IL1RAPL1: variants seen among roughly 807,000 people sequenced by gnomAD.
The protein encoded by IL1RAPL1 is interleukin-1 receptor accessory protein-like 1.
IL1RAPL1 carries 3 observed loss-of-function variants against 48.4 expected under a neutral mutation model. That is an observed-to-expected ratio of 0.06 (90% CI 0.03 to 0.16). The LOEUF (loss-of-function observed/expected upper bound fraction) is 0.16, where lower values mean the gene tolerates loss of function less well. Among genes scored for constraint, IL1RAPL1 ranks in the 10% least tolerant of loss-of-function variants. IL1RAPL1 has a pLI of 1.00. For synonymous variants in IL1RAPL1, 185 were observed against 187.7 expected, an observed-to-expected ratio of 0.99 and a Z score of 0.12; for missense variants, 349 against 530.6, an observed-to-expected ratio of 0.66 and a Z score of 3.36.
chrX:28,600,096 G>A (rs1934005289), intron 1 of IL1RAPL1, among the ~76,000 whole-genome samples: 1 of 111,831 alleles, frequency 8.9e-6, no homozygotes, highest in African/African-American at 3.3e-5. Context: ...GCCATTAAGA[G>A]GGGAATGAAA....
At chrX:29,403,338 T>C (rs188696737) in intron 5 of IL1RAPL1, among the ~76,000 whole-genome samples, 39 of 110,299 alleles carry the variant, frequency 3.5e-4, no homozygotes, top group Admixed American at 1.2e-3. Flanking sequence ...GACATACTTA[T>C]ATTGGGGTGT....
At chrX:28,850,804 C>A (rs1196258555) in intron 2 of IL1RAPL1, among the ~76,000 whole-genome samples, 1 of 105,491 alleles carries the variant, frequency 9.5e-6, no homozygotes, top group African/African-American at 3.5e-5. Context: ...AAAACCTGAT[C>A]TGTAGTCCTA....
intron 2 of IL1RAPL1, among the ~76,000 whole-genome samples, chrX:28,863,181 C>T (rs1921989985): frequency 9.0e-6 from 1 of 111,515 alleles, no homozygotes; most frequent in African/African-American, 3.3e-5. Flanking sequence ...CGCCTGGTCT[C>T]AAACCTTGTA....
intron 6 of IL1RAPL1, among the ~76,000 whole-genome samples, chrX:29,897,000 C>G (rs1016824973): frequency 1.8e-5 from 2 of 108,652 alleles, no homozygotes; most frequent in Non-Finnish European, 3.9e-5. Context: ...TTTGACCTAG[C>G]AAGTTGGCAC....
At chrX:29,403,664 T>A (rs142797777) in intron 5 of IL1RAPL1, among the ~76,000 whole-genome samples, 1,748 of 112,066 alleles carry the variant, frequency 0.016, 40 homozygotes, top group African/African-American at 0.054. Flanking sequence ...TATATTAAGT[T>A]AAACATGAGT....
In IL1RAPL1 at chrX:29,742,194, GA is replaced by G. The variant is rs202076687; in HGVS notation, c.778+73695del. On this transcript the variant is annotated intron_variant, in intron 6 of 10. Transcript: ENST00000378993. ...TATGTAAATATTATTTGGGGAAGAG[GA>G]AAAACACATATGGGTGCTAAGAAGA... Among the ~76,000 whole-genome samples the G allele has an allele frequency of 8.2e-4, 91 of 111,370 alleles. 1 individual carries two copies. In the East Asian group the frequency reaches 0.023, roughly 28 times the overall value.
At chrX:29,801,030 A>ACC (rs1351442007) in intron 6 of IL1RAPL1, among the ~76,000 whole-genome samples, 1 of 13,940 alleles carries the variant, frequency 7.2e-5, no homozygotes, top group Non-Finnish European at 1.2e-4. Context: ...AAAAAAAAAA[A>ACC]AAAACTCTCC....
chrX:29,569,687 G>A (rs1249050109), intron 5 of IL1RAPL1, among the ~76,000 whole-genome samples: 1 of 111,024 alleles, frequency 9.0e-6, no homozygotes, highest in South Asian at 3.8e-4. Context: ...TAGAAAGCAG[G>A]CATTTAATGA....
rs765413960 is a variant in IL1RAPL1, at chrX:29,323,917, T to A, written c.362+40700T>A. On this transcript the variant is annotated intron_variant, in intron 3 of 10. Transcript: ENST00000378993. Reference sequence around the variant, plus strand: ...CTTGCACATTTTGACAACTAAGATTTTTCTTTTGTTCCATCCCCTTTCAGC... The same window carrying A: ...CTTGCACATTTTGACAACTAAGATTATTCTTTTGTTCCATCCCCTTTCAGC... 2.9e-5 allele frequency among the ~76,000 whole-genome samples: 3 copies of A among 102,251 alleles called. No individual in the cohort carries two copies. The Admixed American group carries it at 3.3e-4, about 11-fold the overall frequency. 88.8% of individuals were successfully genotyped at this position (102,251 alleles called of 115,157 possible).
chrX:29,081,054 C>CTTTTT (rs1927829599), intron 2 of IL1RAPL1, among the ~76,000 whole-genome samples: 1 of 55,713 alleles, frequency 1.8e-5, no homozygotes, highest in Non-Finnish European at 3.6e-5. Context: ...CTTTTCTTTT[C>CTTTTT]TTTTCTTTCT....
At chrX:29,581,897 C>A (rs757900609) in intron 5 of IL1RAPL1, among the ~76,000 whole-genome samples, 40 of 110,958 alleles carry the variant, frequency 3.6e-4, no homozygotes, top group African/African-American at 1.2e-3. Context: ...TGAATGGAGT[C>A]TTGGTAATGT....
chrX:29,915,591 A>T (rs963057317), intron 6 of IL1RAPL1, among the ~76,000 whole-genome samples: 2 of 110,594 alleles, frequency 1.8e-5, no homozygotes, highest in Non-Finnish European at 3.8e-5. Flanking sequence ...AATCTCTCAT[A>T]AGCAAAATTT....
intron 2 of IL1RAPL1, among the ~76,000 whole-genome samples, chrX:28,840,339 G>T (rs983300697): frequency 1.8e-5 from 2 of 110,308 alleles, no homozygotes. Context: ...TCACCAGCAA[G>T]CACATTTTTT....
chrX:29,815,080 A>C (rs771214362), intron 6 of IL1RAPL1, among the ~76,000 whole-genome samples: 1 of 111,608 alleles, frequency 9.0e-6, no homozygotes, highest in African/African-American at 3.2e-5. Flanking sequence ...GTTCTGTATA[A>C]ATTTTAGAAT....
At chrX:29,687,404 A>T (rs908068067) in intron 6 of IL1RAPL1, among the ~76,000 whole-genome samples, 1 of 112,205 alleles carries the variant, frequency 8.9e-6, no homozygotes, top group Non-Finnish European at 1.9e-5. Flanking sequence ...CAGGCACAGA[A>T]CAACAAACAC....
chrX:29,920,890 C>T (rs1293754867), intron 8 of IL1RAPL1, among the ~76,000 whole-genome samples: 1 of 103,293 alleles, frequency 9.7e-6, no homozygotes, highest in Non-Finnish European at 2.0e-5. Flanking sequence ...GTATTTCTTA[C>T]TGGAAGATTG....
intron 5 of IL1RAPL1, among the ~76,000 whole-genome samples, chrX:29,455,616 AT>A (rs1419887875): frequency 1.8e-5 from 2 of 111,599 alleles, no homozygotes; most frequent in Non-Finnish European, 3.8e-5. Flanking sequence ...AGAAAACTGG[AT>A]AAGGATTAAT....
At chrX:29,873,628 C>T (rs1931847089) in intron 6 of IL1RAPL1, among the ~76,000 whole-genome samples, 1 of 111,447 alleles carries the variant, frequency 9.0e-6, no homozygotes, top group South Asian at 3.8e-4. Flanking sequence ...TCCTAGCCTC[C>T]AGAACTATGA....
chrX:29,880,405 G>T (rs1932000733), intron 6 of IL1RAPL1, among the ~76,000 whole-genome samples: 1 of 111,895 alleles, frequency 8.9e-6, no homozygotes, highest in Admixed American at 9.5e-5. Flanking sequence ...TGCACATAGT[G>T]TAACACAAGT....
Sources: allele counts gnomAD v4.1 joint callset (sites outside exome capture counted in the v4.1 genomes callset), GRCh38; gene constraint gnomAD v4.1.1; transcripts MANE v1.5; gene names NCBI Gene and HGNC (gene_info 2026-07-23, HGNC 2026-07-21).